Variants in ZNF215 observed in about 807,000 individuals in gnomAD.
ZNF215 encodes the protein BWSCR2-associated zinc finger protein 2.
In ZNF215, 24 loss-of-function variants were observed where a neutral mutation model predicts 27.2. The ratio of observed to expected loss-of-function variants is 0.88; its 90% CI spans 0.64 to 1.24. The LOEUF (loss-of-function observed/expected upper bound fraction) is 1.24, where lower values mean the gene tolerates loss of function less well. Ranked by LOEUF, ZNF215 falls within the 50% of genes most tolerant of loss-of-function variation. The pLI is 0.00. For synonymous variants in ZNF215, 210 were observed against 204.0 expected (o/e 1.03, Z -0.25); for missense variants, 675 against 605.7 (o/e 1.11, Z -1.20).
At position 6,943,569 on chromosome 11, in the gene ZNF215, G is replaced by T. The variant is rs534870055; in HGVS notation, c.640G>T (p.Glu214Ter). 1 of 1,613,798 alleles carries T rather than the reference G, an allele frequency of 6.2e-7. No homozygotes were observed. The highest frequency in any genetic ancestry group is 1.1e-5 in the South Asian group (1 of 91,046). The change falls in exon 6 of 7, where the codon GAG becomes TAG. Residue 214 changes from glutamate to a stop codon, truncating the protein, a stop_gained. Coordinates refer to ENST00000278319, the MANE Select transcript of ZNF215 (RefSeq NM_013250.4). LOFTEE classifies it high-confidence loss of function. ...RKAHLLSKPF[E>*]SLKLESKKKR... ...AGCACATCTACTTTCCAAACCATTT[G>T]AGAGCCTTAAGTTGGAGAGTAAGAA...
chr11:6,951,133 GCC>G (rs1339822545), intron 6 of ZNF215, among the ~76,000 whole-genome samples: 1 of 152,180 alleles, frequency 6.6e-6, no homozygotes, highest in African/African-American at 2.4e-5. Flanking sequence ...GATTTGCTTT[GCC>G]AGTATTTTAT....
chr11:6,968,150 G>T (rs892883034), intron 5 of ZNF215, among the ~76,000 whole-genome samples: 1 of 152,156 alleles, frequency 6.6e-6, no homozygotes, highest in African/African-American at 2.4e-5. Context: ...CTATATATCT[G>T]TTTTGGTAGT....
At chr11:6,953,994 G>T (rs973981581) in intron 6 of ZNF215, among the ~76,000 whole-genome samples, 2 of 152,194 alleles carry the variant, frequency 1.3e-5, no homozygotes. Flanking sequence ...GTTTGCTAGA[G>T]GTCCACTCCA....
intron 5 of ZNF215, among the ~76,000 whole-genome samples, chr11:6,979,700 C>G (rs1850908238): frequency 6.6e-6 from 1 of 151,878 alleles, no homozygotes; most frequent in Non-Finnish European, 1.5e-5. Context: ...ACAGGTAGTT[C>G]TATTAATTAT....
intron 5 of ZNF215, among the ~76,000 whole-genome samples, chr11:6,963,177 C>T (rs189243141): frequency 6.6e-6 from 1 of 152,150 alleles, no homozygotes. Context: ...TAGGACAGTT[C>T]CACCACTACA....
At position 6,943,578 on chromosome 11, in the gene ZNF215, A is replaced by G. The variant is rs182747675; in HGVS notation, c.649A>G (p.Lys217Glu). The G allele has an allele frequency of 1.2e-6, 2 of 1,614,060 alleles. No individual in the cohort carries two copies. The highest frequency in any genetic ancestry group is 1.3e-5 in the African/African-American group (1 of 75,032). ...HLLSKPFESL[K>E]LESKKKRWIM... ...ACTTTCCAAACCATTTGAGAGCCTT[A>G]AGTTGGAGAGTAAGAAAAAAAGATG... Residue 217 changes from lysine (K) to glutamate (E), a missense_variant, in exon 6 of 7, where the codon AAG (lysine) becomes GAG (glutamate). Lys to Glu is a moderately conservative substitution (Grantham distance 56). Transcript: ENST00000278319.
At chr11:6,992,991 G>A (rs1437001342), downstream of ZNF215, among the ~76,000 whole-genome samples, 2 of 152,070 alleles carry the variant, frequency 1.3e-5, no homozygotes, top group Admixed American at 6.6e-5. Flanking sequence ...CAGATGTCCC[G>A]GTATCACATA....
chr11:6,965,352 C>T (rs1347756257), intron 5 of ZNF215, among the ~76,000 whole-genome samples: 3 of 152,114 alleles, frequency 2.0e-5, no homozygotes, highest in Admixed American at 6.6e-5. Context: ...TTTTTAAACA[C>T]GTGTATAAAA....
At chr11:6,989,762 CA>C (rs946641991), downstream of ZNF215, among the ~76,000 whole-genome samples, 10 of 152,254 alleles carry the variant, frequency 6.6e-5, no homozygotes, top group Middle Eastern at 3.4e-3. Flanking sequence ...CTCAATATTG[CA>C]ACCACCAGAC....
At chr11:6,969,092 A>G (rs1163226893) in intron 5 of ZNF215, among the ~76,000 whole-genome samples, 2 of 152,116 alleles carry the variant, frequency 1.3e-5, no homozygotes, top group African/African-American at 4.8e-5. Context: ...TTTGGTGTTG[A>G]ATCACTGGAT....
chr11:6,960,463 G>A (rs933174300), downstream of ZNF215, among the ~76,000 whole-genome samples: 4 of 152,116 alleles, frequency 2.6e-5, no homozygotes, highest in African/African-American at 4.8e-5. Context: ...CTGAGCAAGC[G>A]AAAAACAAGT....
In ZNF215 at chr11:6,938,793, G is replaced by A. The variant is rs114882723; in HGVS notation, c.401-2778G>A. ...GGGGCTCTTTCTTGGTAATGAAAAT[G>A]TTCTGGAATTAGATAGTGGTGATCA... On this transcript the variant is annotated intron_variant, in intron 3 of 6. Transcript: ENST00000278319. Among the ~76,000 whole-genome samples the A allele has an allele frequency of 6.7e-3, 1,013 of 152,256 alleles. 15 individuals are homozygous for A. Among genetic ancestry groups the A allele is most frequent in the African/African-American group, 0.021 (889 of 41,558 alleles).
At chr11:6,989,171 A>AC (rs962555989), downstream of ZNF215, among the ~76,000 whole-genome samples, 3 of 147,130 alleles carry the variant, frequency 2.0e-5, no homozygotes, top group Non-Finnish European at 4.6e-5. Flanking sequence ...AAAAAAAAAA[A>AC]AAAGGTATTA....
At chr11:6,978,948 G>C (rs527364830) in intron 5 of ZNF215, among the ~76,000 whole-genome samples, 41 of 152,116 alleles carry the variant, frequency 2.7e-4, no homozygotes, top group African/African-American at 9.6e-4. Flanking sequence ...ATGTTTTCCA[G>C]CTCTATCACT....
chr11:6,939,122 C>G (rs1043359279), intron 3 of ZNF215, among the ~76,000 whole-genome samples: 4 of 152,000 alleles, frequency 2.6e-5, no homozygotes, highest in Non-Finnish European at 4.4e-5. Context: ...CAGGATAGTT[C>G]TAAGTAATAA....
At chr11:6,942,966 T>G in intron 4 of ZNF215, 117 bp from the exon 5 acceptor site, 2 of 1,424,264 alleles carry the variant, frequency 1.4e-6, no homozygotes, top group Admixed American at 4.6e-5. Context: ...TCCTCAGACA[T>G]TGTCCTATCA....
rs537264937 is a variant in ZNF215 at position 6,970,187 on chromosome 11, T to C, written c.806-13942T>C. Among the ~76,000 whole-genome samples the C allele has an allele frequency of 2.8e-4, 42 of 152,250 alleles. 1 individual carries two copies. The highest frequency in any genetic ancestry group is 5.7e-4 in the Non-Finnish European group (39 of 68,020). ...CTAGGTCTGCAAGTGCAGAAAAACA[T>C]GGAAATACGAATAATACAAGATGCT... On this transcript the variant is annotated intron_variant, in intron 5 of 5. Transcript: ENST00000529903.
intron 6 of ZNF215, among the ~76,000 whole-genome samples, chr11:6,954,510 G>A (rs1248331027): frequency 6.6e-6 from 1 of 152,200 alleles, no homozygotes; most frequent in African/African-American, 2.4e-5. Context: ...TAGCAGTCAG[G>A]GAGACTCCGT....
intron 5 of ZNF215, among the ~76,000 whole-genome samples, chr11:6,975,106 C>T (rs909622140): frequency 1.4e-4 from 21 of 151,846 alleles, no homozygotes; most frequent in Non-Finnish European, 2.4e-4. Context: ...GCATGAAGCG[C>T]TGTTGAATTT....
Sources: allele counts gnomAD v4.1 joint callset (sites outside exome capture counted in the v4.1 genomes callset), GRCh38; gene constraint gnomAD v4.1.1; transcripts MANE v1.5; gene names NCBI Gene and HGNC (gene_info 2026-07-23, HGNC 2026-07-21).